SNX29: variants seen among roughly 807,000 people sequenced by gnomAD.
The protein encoded by SNX29 is sorting nexin-29.
A neutral mutation model predicts 102.1 loss-of-function variants in SNX29; 78 were observed. The observed-to-expected ratio is 0.76, with a 90% CI of 0.64 to 0.92. The LOEUF (loss-of-function observed/expected upper bound fraction) is 0.92. Among genes scored for constraint, SNX29 ranks in the 40% least tolerant of loss-of-function variants. SNX29 has a pLI of 0.00. For synonymous variants in SNX29, 580 were observed against 414.5 expected, an observed-to-expected ratio of 1.40 and a Z score of -4.85; for missense variants, 1,280 against 1,061.7, an observed-to-expected ratio of 1.21 and a Z score of -2.86.
At chr16:12,125,808 C>G (rs1046387426) in intron 11 of SNX29, among the ~76,000 whole-genome samples, 3 of 151,864 alleles carry the variant, frequency 2.0e-5, no homozygotes, top group Admixed American at 6.6e-5. Context: ...GCATTGCTGT[C>G]TCTCAAACTT....
chr16:12,027,600 C>T (rs936895575), intron 4 of SNX29, 156 bp downstream of exon 4: 18 of 806,402 alleles, frequency 2.2e-5, no homozygotes, highest in South Asian at 7.3e-5. Context: ...GTAGTCAAAA[C>T]GTAATGGTGT....
chr16:12,246,012 A>C (rs536736324), intron 14 of SNX29, among the ~76,000 whole-genome samples: 1 of 152,232 alleles, frequency 6.6e-6, no homozygotes, highest in Non-Finnish European at 1.5e-5. Flanking sequence ...GGATAAGTCA[A>C]CAAAAGGTTA....
chr16:12,548,708 G>T (rs2077767840), intron 20 of SNX29, among the ~76,000 whole-genome samples: 1 of 152,166 alleles, frequency 6.6e-6, no homozygotes, highest in Admixed American at 6.5e-5. Context: ...GCATTGTACT[G>T]GTGTAGGAGG....
chr16:12,349,740 T>A (rs2081941515), intron 15 of SNX29, among the ~76,000 whole-genome samples: 2 of 152,224 alleles, frequency 1.3e-5, no homozygotes, highest in South Asian at 4.1e-4. Context: ...TCTTTTCAAC[T>A]CTCTTGAATT....
At chr16:12,295,568 G>A (rs1032873533) in intron 15 of SNX29, among the ~76,000 whole-genome samples, 16 of 152,044 alleles carry the variant, frequency 1.1e-4, no homozygotes, top group African/African-American at 2.7e-4. Flanking sequence ...CTGTTTCCTC[G>A]GGCTTCCTTG....
chr16:12,216,816 ATCT>A (rs1169564202), intron 14 of SNX29, among the ~76,000 whole-genome samples: 3 of 146,950 alleles, frequency 2.0e-5, no homozygotes, highest in African/African-American at 7.6e-5. Context: ...AAGTTCATTC[ATCT>A]TCTCCATTTC....
intron 15 of SNX29, among the ~76,000 whole-genome samples, chr16:12,300,668 C>A (rs950391915): frequency 4.6e-5 from 7 of 152,340 alleles, no homozygotes; most frequent in African/African-American, 1.4e-4. Flanking sequence ...GTAACCCTGA[C>A]TTCTCTTTGA....
chr16:12,517,425 T>A (rs891195512), intron 19 of SNX29, among the ~76,000 whole-genome samples: 7 of 152,206 alleles, frequency 4.6e-5, no homozygotes, highest in Admixed American at 4.6e-4. Context: ...TGCTCCCTGG[T>A]GTTCGGCTCT....
intron 1 of SNX29, among the ~76,000 whole-genome samples, chr16:11,981,247 G>A (rs1253903343): frequency 1.3e-5 from 2 of 151,866 alleles, no homozygotes; most frequent in Non-Finnish European, 2.9e-5. Context: ...TGGGATTACA[G>A]GCATGAGCCA....
chr16:12,550,823 C>G (rs910042493), intron 20 of SNX29, among the ~76,000 whole-genome samples: 2 of 152,118 alleles, frequency 1.3e-5, no homozygotes, highest in Non-Finnish European at 2.9e-5. Context: ...TGTTAATTTA[C>G]CTTTTTACAG....
rs67193889 is a variant in SNX29 at position 12,403,202 on chromosome 16, A to ATGTGTGTG, written c.1956-200_1956-193dup. On this transcript the variant is annotated intron_variant, in intron 17 of 20. Coordinates refer to ENST00000566228, the MANE Select transcript of SNX29 (RefSeq NM_032167.5). ...ATTCCGGAGTACAGATTGTGTGTGT[A>ATGTGTGTG]TGTGTGTGTGTGTGTGTGTGTGTGT... 1.1e-3 allele frequency among the ~76,000 whole-genome samples: 77 copies of ATGTGTGTG among 70,934 alleles called. 1 individual carries two copies. Among genetic ancestry groups the ATGTGTGTG allele is most frequent in the Middle Eastern group, 7.4e-3 (1 of 136 alleles). The allele number at this position is 70,934 out of a possible 152,430, so 46.5% of individuals were successfully genotyped here.
At chr16:12,074,298 T>C (rs1380991391) in intron 10 of SNX29, among the ~76,000 whole-genome samples, 2 of 152,200 alleles carry the variant, frequency 1.3e-5, no homozygotes, top group African/African-American at 2.4e-5. Flanking sequence ...GATTTTGCAG[T>C]GGCTGGTACC....
chr16:12,231,054 T>C (rs2077755118), intron 14 of SNX29, among the ~76,000 whole-genome samples: 1 of 151,042 alleles, frequency 6.6e-6, no homozygotes, highest in Non-Finnish European at 1.5e-5. Context: ...GATTTCACCA[T>C]GTTGGCCAGG....
At chr16:12,485,352 T>C (rs575204016) in intron 19 of SNX29, among the ~76,000 whole-genome samples, 1 of 152,308 alleles carries the variant, frequency 6.6e-6, no homozygotes, top group Admixed American at 6.5e-5. Context: ...CGAATGAGAA[T>C]AGAGAGACTG....
chr16:12,306,177 T>A (rs1351034568), intron 15 of SNX29, among the ~76,000 whole-genome samples: 2 of 152,170 alleles, frequency 1.3e-5, no homozygotes, highest in Non-Finnish European at 2.9e-5. Flanking sequence ...ATTTTAGCAA[T>A]GGATTTCAGA....
At chr16:12,453,548 A>T (rs1567579060) in intron 18 of SNX29, among the ~76,000 whole-genome samples, 1 of 146,492 alleles carries the variant, frequency 6.8e-6, no homozygotes, top group African/African-American at 2.5e-5. Flanking sequence ...GGGCTCAGTA[A>T]TTTTTTTTTT....
intron 16 of SNX29, among the ~76,000 whole-genome samples, chr16:12,393,811 A>G (rs1381984973): frequency 6.6e-6 from 1 of 152,236 alleles, no homozygotes; most frequent in Non-Finnish European, 1.5e-5. Flanking sequence ...GGCACATAGT[A>G]ATTGTTCAGC....
intron 16 of SNX29, among the ~76,000 whole-genome samples, chr16:12,392,736 C>T (rs1054656586): frequency 1.3e-5 from 2 of 152,210 alleles, no homozygotes; most frequent in Non-Finnish European, 1.5e-5. Flanking sequence ...TTGACCTCAG[C>T]TGTTTTTAAA....
At chr16:12,161,789 G>T (rs896778878) in intron 13 of SNX29, among the ~76,000 whole-genome samples, 1 of 151,758 alleles carries the variant, frequency 6.6e-6, no homozygotes, top group Non-Finnish European at 1.5e-5. Flanking sequence ...TCTCTTGCCT[G>T]TGGCACGCCA....
Sources: gnomAD v4.1 joint callset for allele counts (sites outside exome capture counted in the v4.1 genomes callset) on GRCh38, gnomAD v4.1.1 for gene constraint, MANE v1.5 for transcripts, NCBI Gene and HGNC (gene_info 2026-07-23, HGNC 2026-07-21) for gene names.